The following HMGCS1 variants were observed in gnomAD, a reference collection of about 807,000 sequenced individuals.
The protein encoded by HMGCS1 is 3-hydroxy-3-methylglutaryl-CoA synthase 1.
A neutral mutation model predicts 52.3 loss-of-function variants in HMGCS1; 9 were observed. That is an observed-to-expected ratio of 0.17 (90% CI 0.10 to 0.30). The LOEUF (loss-of-function observed/expected upper bound fraction) is 0.30, where lower values mean the gene tolerates loss of function less well. Ranked by LOEUF, HMGCS1 falls within the 10% of genes least tolerant of loss-of-function variation. HMGCS1 has a pLI of 1.00. For synonymous variants in HMGCS1, 176 were observed against 214.4 expected (o/e 0.82, Z 1.57); for missense variants, 320 against 620.9 (o/e 0.52, Z 5.15).
intron 4 of HMGCS1, among the ~76,000 whole-genome samples, 168 bp downstream of exon 4, chr5:43,297,838 CAAA>C (rs371302116): frequency 7.4e-5 from 5 of 67,914 alleles, no homozygotes; most frequent in Non-Finnish European, 1.3e-4. Flanking sequence ...AACTCGGTCT[CAAA>C]AAAAAAAAAA....
rs966621449 is a variant in HMGCS1 at position 43,298,362 on chromosome 5, C to T, written c.448+156G>A. The T allele has an allele frequency of 1.3e-5, 9 of 672,198 alleles. No homozygotes were observed. The highest frequency in any genetic ancestry group is 8.9e-5 in the Admixed American group (3 of 33,834). The allele number at this position is 672,198 out of a possible 1,614,324, so 41.6% of individuals were successfully genotyped here. A position where few individuals can be genotyped will look rare whatever the true frequency, so the allele number is the denominator to read the frequency against. ...AAGATAAGATAACCAATTCACAATTCGGATAATGACAGACAGGTAAAATAT... is the reference window on the plus strand; with the variant it reads ...AAGATAAGATAACCAATTCACAATTTGGATAATGACAGACAGGTAAAATAT... On this transcript the variant is annotated intron_variant, in intron 3 of 10. Coordinates refer to ENST00000325110, the MANE Select transcript of HMGCS1 (RefSeq NM_001098272.3). This position sits in a 1 kb window ranked among gnomAD's most constrained non-coding sequence, Gnocchi z 5.6.
At chr5:43,305,800 A>ATT (rs1395891845) in intron 2 of HMGCS1, among the ~76,000 whole-genome samples, 121 of 141,990 alleles carry the variant, frequency 8.5e-4, no homozygotes, top group Non-Finnish European at 1.5e-3. Context: ...AAAAAAAAAA[A>ATT]TTTAAAAAAT....
At position 43,288,345 on chromosome 5, in the gene HMGCS1, A is replaced by C. The variant is rs1346094976; in HGVS notation, c.*2786T>G. On this transcript the variant is annotated 3_prime_UTR_variant, in exon 11 of 11. Coordinates refer to ENST00000325110, the MANE Select transcript of HMGCS1 (RefSeq NM_001098272.3). ...CTATGACTTAAGAGCAGTTGCTAGA[A>C]ATTTTAAAGAAAGGGTTCACTTTTA... 6.6e-6 allele frequency: 1 copy of C among 152,186 alleles called. No individual in the cohort carries two copies. Among genetic ancestry groups the C allele is most frequent in the African/African-American group, 2.4e-5 (1 of 41,440 alleles). The allele number at this position is 152,186 out of a possible 1,614,324, so 9.4% of individuals were successfully genotyped here.
intron 9 of HMGCS1, 23 bp downstream of exon 9, chr5:43,292,825 T>A (rs373702814): frequency 1.9e-6 from 3 of 1,610,290 alleles, no homozygotes; most frequent in Non-Finnish European, 2.5e-6. Context: ...TGGGTTAACT[T>A]AAAGAACATT....
At chr5:43,294,944 A>T in intron 6 of HMGCS1, 83 bp from the exon 7 acceptor site, 1 of 834,284 alleles carries the variant, frequency 1.2e-6, no homozygotes, top group East Asian at 2.5e-5. Context: ...TAGGATTCAA[A>T]TCTTTAAGTG....
At chr5:43,291,765 A>C (rs553795873) in intron 10 of HMGCS1, among the ~76,000 whole-genome samples, 33 of 152,228 alleles carry the variant, frequency 2.2e-4, no homozygotes, top group African/African-American at 7.5e-4. Context: ...AACGTAAGTA[A>C]AGTGCCTAGC....
At position 43,294,278 on chromosome 5, in the gene HMGCS1, A is replaced by G. The variant is rs572023536; in HGVS notation, c.1077-116T>C. 7.8e-5 allele frequency: 52 copies of G among 663,896 alleles called. No homozygotes were observed. The African/African-American group carries it at 9.0e-4, about 11-fold the overall frequency. The allele number at this position is 663,896 out of a possible 1,614,324, so 41.1% of individuals were successfully genotyped here. A position where few individuals can be genotyped will look rare whatever the true frequency, so the allele number is the denominator to read the frequency against. ...TATAAGTAAAAGTAGAATCTAACTT[A>G]AAGTTTTAAGGATCTAACTCAAAGT... On this transcript the variant is annotated intron_variant, in intron 7 of 10. Transcript: ENST00000325110.
At chr5:43,294,510 C>T in intron 7 of HMGCS1, 181 bp downstream of exon 7, 1 of 510,014 alleles carries the variant, frequency 2.0e-6, no homozygotes, top group Non-Finnish European at 3.4e-6. Flanking sequence ...ACAAATACTT[C>T]TGGAAGAACT....
chr5:43,296,394 C>A (rs530950288), intron 5 of HMGCS1, among the ~76,000 whole-genome samples: 1 of 152,256 alleles, frequency 6.6e-6, no homozygotes, highest in African/African-American at 2.4e-5. Flanking sequence ...GCTTCTTATC[C>A]AGAGCGACTA....
At position 43,298,380 on chromosome 5, in the gene HMGCS1, T is replaced by TC; in HGVS notation, c.448+137_448+138insG. ...CACAATTCGGATAATGACAGACAGGTAAAATATCTTTCTTAATATATCCAA... is the reference window on the plus strand; with the variant it reads ...CACAATTCGGATAATGACAGACAGGTCAAAATATCTTTCTTAATATATCCAA... On this transcript the variant is annotated intron_variant, in intron 3 of 10. Transcript: ENST00000325110. This position sits in a 1 kb window ranked among gnomAD's most constrained non-coding sequence, Gnocchi z 5.6. 1 of 692,200 alleles carries TC rather than the reference T, an allele frequency of 1.4e-6. No homozygotes were observed. The highest frequency in any genetic ancestry group is 1.9e-5 in the South Asian group (1 of 51,508). 42.9% of individuals were successfully genotyped at this position (692,200 alleles called of 1,614,324 possible).
chr5:43,304,860 C>T (rs1460221924), intron 2 of HMGCS1, among the ~76,000 whole-genome samples: 1 of 152,200 alleles, frequency 6.6e-6, no homozygotes, highest in Non-Finnish European at 1.5e-5. Context: ...GCCATCTAAT[C>T]TGAAATATTT....
At chr5:43,307,173 C>T (rs1158807564) in intron 2 of HMGCS1, among the ~76,000 whole-genome samples, 1 of 150,680 alleles carries the variant, frequency 6.6e-6, no homozygotes, top group Non-Finnish European at 1.5e-5. Context: ...TGGGTTCAAG[C>T]GATTCTCTTG....
chr5:43,294,705 T>G lies in HMGCS1; in HGVS notation c.1062A>C (p.Ala354=), dbSNP rs765414893. ...TTTATACTTACTGTGCTAGAACAGA[T>G]GCAAGGGAACCATATACTGAAGATG... ...MYTSSVYGSL[A]SVLAQYSPQQ... is the part of the protein sequence containing the mutation. Residue 354 remains alanine (A), a synonymous_variant, in exon 7 of 11, where the codon GCA becomes GCC. Transcript: ENST00000325110. 6.2e-7 allele frequency: 1 copy of G among 1,608,760 alleles called. No individual in the cohort carries two copies. Among genetic ancestry groups the G allele is most frequent in the Non-Finnish European group, 8.5e-7 (1 of 1,177,048 alleles).
chr5:43,300,740 A>G lies in HMGCS1; in HGVS notation c.-10-1765T>C, dbSNP rs1243985229. The stretch of plus-strand genomic sequence containing the variant: ...AGCCCAGGAGTACAAGGGTGTAGTG[A>G]GCTGTGATTGCACCACTGCACTCCA... On this transcript the variant is annotated intron_variant, in intron 2 of 10. Transcript: ENST00000325110. Among the ~76,000 whole-genome samples, 5 of 148,662 alleles carry G rather than the reference A, an allele frequency of 3.4e-5. No individual in the cohort carries two copies. In the East Asian group the frequency reaches 1.0e-3, roughly 30 times the overall value.
intron 1 of HMGCS1, among the ~76,000 whole-genome samples, chr5:43,308,853 C>T (rs545510540): frequency 2.0e-5 from 3 of 152,106 alleles, no homozygotes; most frequent in African/African-American, 7.2e-5. Context: ...TCAGTCGTAG[C>T]GCCTTTTACT....
At chr5:43,299,673 A>AAATCAATCAATC (rs3086309) in intron 2 of HMGCS1, among the ~76,000 whole-genome samples, 9 of 149,016 alleles carry the variant, frequency 6.0e-5, no homozygotes, top group African/African-American at 2.2e-4. Context: ...GAAAAAGTAA[A>AAATCAATCAATC]AATCAATCAA....
intron 8 of HMGCS1, 84 bp downstream of exon 8, chr5:43,293,972 C>T (rs1579637496): frequency 1.1e-6 from 1 of 904,542 alleles, no homozygotes. Context: ...GCCTCGGCCT[C>T]CCAAACTGCT....
At chr5:43,294,488 A>G (rs1035563501) in intron 7 of HMGCS1, 2 of 499,118 alleles carry the variant, frequency 4.0e-6, no homozygotes, top group East Asian at 6.5e-5. Flanking sequence ...CAGGAAAGCC[A>G]GTATGAAATT....
chr5:43,309,124 A>G (rs1754726853), intron 1 of HMGCS1, among the ~76,000 whole-genome samples: 1 of 151,928 alleles, frequency 6.6e-6, no homozygotes, highest in African/African-American at 2.4e-5. Flanking sequence ...TTAAATAATA[A>G]TATTTCTTCT....
Sources: allele counts gnomAD v4.1 joint callset (sites outside exome capture counted in the v4.1 genomes callset), GRCh38; gene constraint gnomAD v4.1.1; non-coding constraint Gnocchi (gnomAD v3.1); transcripts MANE v1.5; gene names NCBI Gene and HGNC (gene_info 2026-07-23, HGNC 2026-07-21).